The following PLCZ1 variants were observed in gnomAD, a reference collection of about 807,000 sequenced individuals.
PLCZ1 encodes phospholipase C zeta 1.
A neutral mutation model predicts 76.8 loss-of-function variants in PLCZ1; 64 were observed. The observed-to-expected ratio is 0.83, with a 90% CI of 0.68 to 1.03. The LOEUF (loss-of-function observed/expected upper bound fraction) is 1.03. Among genes scored for constraint, PLCZ1 ranks in the 50% least tolerant of loss-of-function variants. PLCZ1 has a pLI of 0.00. For synonymous variants in PLCZ1, 248 were observed against 230.8 expected (o/e 1.07, Z -0.68); for missense variants, 751 against 713.7 (o/e 1.05, Z -0.60).
intron 5 of PLCZ1, among the ~76,000 whole-genome samples, chr12:18,718,280 G>C (rs1057335109): frequency 6.6e-6 from 1 of 152,068 alleles, no homozygotes; most frequent in East Asian, 1.9e-4. Context: ...TTCACCACCA[G>C]CTATATCACC....
the PLCZ1 span, among the ~76,000 whole-genome samples, chr12:18,668,375 G>T: frequency 6.6e-6 from 1 of 152,124 alleles, no homozygotes; most frequent in African/African-American, 2.4e-5. Context: ...CCCTTTTGAG[G>T]TGATTAAGGG....
chr12:18,707,556 G>C (rs12830443), intron 6 of PLCZ1, among the ~76,000 whole-genome samples: 5,497 of 152,204 alleles, frequency 0.036, 132 homozygotes, highest in East Asian at 0.083. Flanking sequence ...ACCAAAGGCT[G>C]TTTTAAGGCT....
At chr12:18,693,107 A>C in intron 12 of PLCZ1, 1 of 1,527,450 alleles carries the variant, frequency 6.5e-7, no homozygotes. Flanking sequence ...TGTCAGTAGG[A>C]ATCTTGGAAG....
At chr12:18,682,830 C>T (rs1011937959), downstream of PLCZ1, among the ~76,000 whole-genome samples, 28 of 152,100 alleles carry the variant, frequency 1.8e-4, 1 homozygote, top group Middle Eastern at 6.8e-3. Context: ...AATTCCTTCC[C>T]ACAAAAATAC....
intron 9 of PLCZ1, among the ~76,000 whole-genome samples, chr12:18,700,508 C>A (rs1248710456): frequency 2.6e-4 from 2 of 7,842 alleles, no homozygotes; most frequent in African/African-American, 3.9e-4. Flanking sequence ...TCAGAGCCAA[C>A]GTACAAAAAA....
chr12:18,723,231 T>C lies in PLCZ1; in HGVS notation c.367+80A>G. The C allele has an allele frequency of 1.7e-5, 21 of 1,251,748 alleles. No homozygotes were observed. The South Asian group carries it at 2.8e-4, about 17-fold the overall frequency. 77.5% of individuals were successfully genotyped at this position (1,251,748 alleles called of 1,614,324 possible). ...GATAACCACAATTCATAAAAATACT[T>C]TGCTTTGAAATAATTTTTGAAAAAA... On this transcript the variant is annotated intron_variant, in intron 4 of 14. Coordinates refer to ENST00000266505, the MANE Select transcript of PLCZ1 (RefSeq NM_033123.4).
At chr12:18,728,504 A>G (rs963227630) in intron 3 of PLCZ1, among the ~76,000 whole-genome samples, 1 of 152,128 alleles carries the variant, frequency 6.6e-6, no homozygotes, top group Admixed American at 6.6e-5. Context: ...TTTGTAATGT[A>G]AAAATAAAGG....
intron 3 of PLCZ1, among the ~76,000 whole-genome samples, chr12:18,726,168 A>T (rs1958737511): frequency 6.6e-6 from 1 of 152,136 alleles, no homozygotes; most frequent in Non-Finnish European, 1.5e-5. Flanking sequence ...ATCTCCCTAG[A>T]CTTAAGGAGG....
At chr12:18,662,583 C>A in the PLCZ1 span, among the ~76,000 whole-genome samples, 1 of 152,042 alleles carries the variant, frequency 6.6e-6, no homozygotes, top group African/African-American at 2.4e-5. Flanking sequence ...ATTATTGTAA[C>A]TTTGGTCTGC....
the PLCZ1 span, among the ~76,000 whole-genome samples, chr12:18,646,557 G>A: frequency 6.6e-6 from 1 of 152,272 alleles, no homozygotes; most frequent in East Asian, 1.9e-4. Context: ...CAAAGTACTG[G>A]AAGCTAAATC....
At chr12:18,718,861 A>C (rs1478325855) in intron 5 of PLCZ1, among the ~76,000 whole-genome samples, 1 of 152,180 alleles carries the variant, frequency 6.6e-6, no homozygotes, top group African/African-American at 2.4e-5. Flanking sequence ...CTGACTGACT[A>C]AACTGAAGTC....
At chr12:18,684,351 C>G in intron 13 of PLCZ1, 72 bp from the exon 14 acceptor site, 2 of 1,445,010 alleles carry the variant, frequency 1.4e-6, no homozygotes, top group Non-Finnish European at 1.9e-6. Context: ...TACATTTGTT[C>G]TCCAAACTTT....
chr12:18,677,751 C>G, the PLCZ1 span, among the ~76,000 whole-genome samples: 3 of 152,010 alleles, frequency 2.0e-5, no homozygotes, highest in Admixed American at 6.6e-5. Context: ...AACAACTGGT[C>G]TACATTTAAA....
In PLCZ1 at chr12:18,700,512, C is replaced by CAAAAAAAAAA. The variant is rs11324526; in HGVS notation, c.1018-572_1018-563dup. On this transcript the variant is annotated intron_variant, in intron 9 of 14. Coordinates refer to ENST00000266505, the MANE Select transcript of PLCZ1 (RefSeq NM_033123.4). ...GCATAACCAGATCAGAGCCAACGTA[C>CAAAAAAAAAA]AAAAAAAAAAAAAAAAAAAAAAAAT... Among the ~76,000 whole-genome samples the CAAAAAAAAAA allele has an allele frequency of 1.9e-3, 126 of 67,892 alleles. 12 individuals carry two copies. Among genetic ancestry groups the CAAAAAAAAAA allele is most frequent in the South Asian group, 4.5e-3 (5 of 1,116 alleles). The allele number at this position is 67,892 out of a possible 152,430, so 44.5% of individuals were successfully genotyped here. A position where few individuals can be genotyped will look rare whatever the true frequency, so the allele number is the denominator to read the frequency against.
the PLCZ1 span, among the ~76,000 whole-genome samples, chr12:18,661,882 A>G: frequency 6.6e-6 from 1 of 152,160 alleles, no homozygotes; most frequent in African/African-American, 2.4e-5. Context: ...CATCAACAGT[A>G]GTACTGGATT....
chr12:18,721,072 T>A lies in PLCZ1; in HGVS notation c.368-1440A>T, dbSNP rs572832459. Among the ~76,000 whole-genome samples, 12 of 152,236 alleles carry A rather than the reference T, an allele frequency of 7.9e-5. No individual in the cohort carries two copies. In the South Asian group the frequency reaches 2.1e-3, roughly 26 times the overall value. ...AGAAGTGTATGGAGCAAATGAATCATGCATTGTAACAGTAATGACTTGCAT... is the reference window on the plus strand; with the variant it reads ...AGAAGTGTATGGAGCAAATGAATCAAGCATTGTAACAGTAATGACTTGCAT... On this transcript the variant is annotated intron_variant, in intron 4 of 14. Transcript: ENST00000266505.
chr12:18,658,317 G>A, the PLCZ1 span, among the ~76,000 whole-genome samples: 1 of 152,152 alleles, frequency 6.6e-6, no homozygotes, highest in African/African-American at 2.4e-5. Context: ...CAATTCACTT[G>A]ATGAATTACA....
the PLCZ1 span, among the ~76,000 whole-genome samples, chr12:18,653,183 C>G: frequency 6.6e-6 from 1 of 152,054 alleles, no homozygotes; most frequent in African/African-American, 2.4e-5. Flanking sequence ...AGACCCACTC[C>G]CAGCATTGGC....
At chr12:18,685,587 G>A (rs772940059) in intron 13 of PLCZ1, 2 of 507,616 alleles carry the variant, frequency 3.9e-6, no homozygotes, top group African/African-American at 1.9e-5. Flanking sequence ...TAGCAATCTA[G>A]GGTGCAGTCT....
Sources: allele counts gnomAD v4.1 joint callset (sites outside exome capture counted in the v4.1 genomes callset), GRCh38; gene constraint gnomAD v4.1.1; transcripts MANE v1.5; gene names NCBI Gene and HGNC (gene_info 2026-07-23, HGNC 2026-07-21).